Variants in SPTBN4 observed in about 807,000 individuals in gnomAD.
The protein encoded by SPTBN4 is spectrin beta, non-erythrocytic 4.
Under a neutral mutation model 277.8 loss-of-function variants are expected in SPTBN4, and 96 were observed. That is an observed-to-expected ratio of 0.35 (90% confidence interval 0.29 to 0.41). The LOEUF (loss-of-function observed/expected upper bound fraction) is 0.41. Ranked by LOEUF, SPTBN4 falls within the 10% of genes least tolerant of loss-of-function variation. The pLI, the probability that SPTBN4 is intolerant of heterozygous loss-of-function variation, is 1.00. For synonymous variants in SPTBN4, 1,481 were observed against 1,580.3 expected, an observed-to-expected ratio of 0.94 and a Z score of 1.49; for missense variants, 3,006 against 3,595.7, an observed-to-expected ratio of 0.84 and a Z score of 4.19.
intron 7 of SPTBN4, among the ~76,000 whole-genome samples, chr19:40,501,241 G>GAA (rs564405844): frequency 2.7e-4 from 39 of 143,854 alleles, no homozygotes; most frequent in Admixed American, 3.5e-4. Context: ...TCCATCTCTT[G>GAA]AAAAAAAAAA....
At chr19:40,550,354 G>C (rs201042290) in intron 22 of SPTBN4, 27 bp downstream of exon 22, 1 of 1,598,952 alleles carries the variant, frequency 6.3e-7, no homozygotes, top group African/African-American at 1.3e-5. Flanking sequence ...GAGGGAGCGA[G>C]TTAGGACATT....
At chr19:40,478,555 A>T (rs2079973890) in intron 2 of SPTBN4, among the ~76,000 whole-genome samples, 1 of 151,438 alleles carries the variant, frequency 6.6e-6, no homozygotes, top group Non-Finnish European at 1.5e-5. Context: ...ATTTTATTTT[A>T]TTTTTTTTGA....
intron 26 of SPTBN4, among the ~76,000 whole-genome samples, chr19:40,558,901 C>T (rs1409818395): frequency 7.4e-6 from 1 of 135,224 alleles, no homozygotes; most frequent in Admixed American, 8.0e-5. Context: ...AGCTACTATG[C>T]CCAGCTGGCA....
At position 40,520,053 on chromosome 19, in the gene SPTBN4, G is replaced by A. The variant is rs2080508565; in HGVS notation, c.3556G>A (p.Gly1186Ser). ...HLELGWHKLL[G>S]LWEARREALV... ...CGAACTTGGCTGGCATAAACTGCTC[G>A]GCTTGTGGGAGGCGCGCAGGGAGGC... Residue 1186 changes from glycine (G) to serine (S), a missense_variant, in exon 16 of 36, where the codon GGC (glycine) becomes AGC (serine). By Grantham distance (56) the Gly-to-Ser change is moderately conservative. Transcript: ENST00000598249. 1.9e-6 allele frequency: 3 copies of A among 1,543,854 alleles called. No homozygotes were observed. Among genetic ancestry groups the A allele is most frequent in the African/African-American group, 1.4e-5 (1 of 70,252 alleles).
At chr19:40,536,461 G>T (rs1042309442) in intron 20 of SPTBN4, among the ~76,000 whole-genome samples, 1 of 152,030 alleles carries the variant, frequency 6.6e-6, no homozygotes, top group Non-Finnish European at 1.5e-5. Flanking sequence ...TGATTCACCC[G>T]CCTTGGCCTC....
chr19:40,570,906 A>G lies in SPTBN4; in HGVS notation c.7319+178A>G, dbSNP rs1599826250. On this transcript the variant is annotated intron_variant, in intron 33 of 35. Transcript: ENST00000598249. The stretch of plus-strand genomic sequence containing the variant: ...CTTAAATCAAGAAAGCCAACCAATG[A>G]GCAGGAGGGGGTGTGGTTTAACGTC... 8 of 460,950 alleles carry G rather than the reference A, an allele frequency of 1.7e-5. No homozygotes were observed. In the South Asian group the frequency reaches 1.9e-4, roughly 11 times the overall value. The allele number at this position is 460,950 out of a possible 1,614,324, so 28.6% of individuals were successfully genotyped here. A position where few individuals can be genotyped will look rare whatever the true frequency, so the allele number is the denominator to read the frequency against.
At chr19:40,513,649 A>G in intron 14 of SPTBN4, 95 bp downstream of exon 14, 1 of 1,288,542 alleles carries the variant, frequency 7.8e-7, no homozygotes, top group African/African-American at 1.5e-5. Context: ...CTCAGCTGGA[A>G]CTAGGAGTTC....
At chr19:40,572,526 A>G (rs1003117331) in intron 35 of SPTBN4, 146 bp downstream of exon 35, 1 of 1,032,816 alleles carries the variant, frequency 9.7e-7, no homozygotes, top group Non-Finnish European at 1.5e-6. Context: ...ACAGGCACTG[A>G]GAGCCCAAAG....
intron 35 of SPTBN4, among the ~76,000 whole-genome samples, chr19:40,574,350 C>A (rs939322336): frequency 3.3e-5 from 5 of 150,792 alleles, no homozygotes; most frequent in Non-Finnish European, 1.5e-5. Context: ...TCACAAGATG[C>A]AATGAAGAAG....
chr19:40,476,834 G>A (rs931112694), intron 2 of SPTBN4, among the ~76,000 whole-genome samples: 6 of 151,882 alleles, frequency 4.0e-5, no homozygotes, highest in East Asian at 1.9e-4. Context: ...TGATCTGCCC[G>A]CCTTGGCCTC....
At chr19:40,476,345 C>CA (rs60942038) in intron 2 of SPTBN4, among the ~76,000 whole-genome samples, 19,369 of 115,406 alleles carry the variant, frequency 0.17, 1,629 homozygotes, top group South Asian at 0.24. Context: ...AACTCTGTCT[C>CA]AAAAAAAAAA....
In SPTBN4 at chr19:40,502,034, G is replaced by C; in HGVS notation, c.897+1G>C. On this transcript the variant is annotated splice_donor_variant, in intron 8 of 35. Coordinates refer to ENST00000598249, the MANE Select transcript of SPTBN4 (RefSeq NM_020971.3). LOFTEE classifies it high-confidence loss of function. This position sits in a 1 kb window ranked among gnomAD's most constrained non-coding sequence, Gnocchi z 4.9. ...TGTGGAGGGGAAGCGTATCGGGAAG[G>C]TATAAGGAGCCAAGGAGTGGGTGAG... The C allele has an allele frequency of 6.2e-7, 1 of 1,614,198 alleles. No homozygotes were observed. Among genetic ancestry groups the C allele is most frequent in the Non-Finnish European group, 8.5e-7 (1 of 1,180,044 alleles).
chr19:40,503,260 A>C (rs2080284285), intron 11 of SPTBN4, among the ~76,000 whole-genome samples: 1 of 151,996 alleles, frequency 6.6e-6, no homozygotes, highest in Non-Finnish European at 1.5e-5. Context: ...GAAGGATAGA[A>C]TTGGTTTCCT....
At position 40,523,425 on chromosome 19, in the gene SPTBN4, C is replaced by T; in HGVS notation, c.3655-12C>T. The T allele has an allele frequency of 6.3e-7, 1 of 1,586,582 alleles. No homozygotes were observed. Among genetic ancestry groups the T allele is most frequent in the Non-Finnish European group, 8.6e-7 (1 of 1,165,256 alleles). On this transcript the variant is annotated splice_polypyrimidine_tract_variant and intron_variant, in intron 16 of 35. Coordinates refer to ENST00000598249, the MANE Select transcript of SPTBN4 (RefSeq NM_020971.3). ...TGAGGCTGACCTTTGCACCACGCTCCCTCCTCCCCAGGAGATGGCGCTGTC... is the reference window on the plus strand; with the variant it reads ...TGAGGCTGACCTTTGCACCACGCTCTCTCCTCCCCAGGAGATGGCGCTGTC...
chr19:40,503,943 C>G lies in SPTBN4; in HGVS notation c.1476C>G (p.Ala492=). 1 of 1,613,958 alleles carries G rather than the reference C, an allele frequency of 6.2e-7. No homozygotes were observed. Among genetic ancestry groups the G allele is most frequent in the Non-Finnish European group, 8.5e-7 (1 of 1,179,986 alleles). The part of the protein sequence containing the change: ...EERVQGVAEL[A]QALAAEGYYD... Reference sequence around the variant, plus strand: ...GGGTGCAGGGTGTGGCGGAGCTGGCCCAGGCATTGGCAGCCGAAGGCTACT... The same window carrying G: ...GGGTGCAGGGTGTGGCGGAGCTGGCGCAGGCATTGGCAGCCGAAGGCTACT... Residue 492 remains alanine, a synonymous_variant, in exon 12 of 36, where the codon GCC becomes GCG. Coordinates refer to ENST00000598249, the MANE Select transcript of SPTBN4 (RefSeq NM_020971.3).
At position 40,557,001 on chromosome 19, in the gene SPTBN4, C is replaced by T. The variant is rs761950536; in HGVS notation, c.5290-22C>T. The T allele has an allele frequency of 1.0e-5, 16 of 1,525,370 alleles. 1 individual carries two copies. The highest frequency in any genetic ancestry group is 3.8e-5 in the South Asian group (3 of 78,060). The allele number at this position is 1,525,370 out of a possible 1,614,324, so 94.5% of individuals were successfully genotyped here. A position where few individuals can be genotyped will look rare whatever the true frequency, so the allele number is the denominator to read the frequency against. ...CCCTTTGCTCACTTTGCTGTACCCCCCCCCCCACTTCCTGATGGCAGGTGC... is the reference window on the plus strand; with the variant it reads ...CCCTTTGCTCACTTTGCTGTACCCCTCCCCCCACTTCCTGATGGCAGGTGC... On this transcript the variant is annotated intron_variant, in intron 25 of 35. Transcript: ENST00000598249.
At chr19:40,488,126 G>C (rs886419181) in intron 3 of SPTBN4, among the ~76,000 whole-genome samples, 2 of 152,072 alleles carry the variant, frequency 1.3e-5, no homozygotes, top group South Asian at 2.1e-4. Flanking sequence ...GGAAGGGGCC[G>C]GGCTCTGTTG....
At chr19:40,540,814 CAAAAAAAAAAAAAAAAAA>C (rs58695945) in intron 20 of SPTBN4, among the ~76,000 whole-genome samples, 1 of 79,322 alleles carries the variant, frequency 1.3e-5, no homozygotes, top group Admixed American at 1.8e-4. Context: ...ACCCCCATCT[CAAAAAAAAAAAAAAAAAA>C]AAAAAAAAGA....
At position 40,472,692 on chromosome 19, in the gene SPTBN4, G is replaced by A. The variant is rs146428235; in HGVS notation, c.71G>A (p.Arg24His). The change falls in exon 2 of 36, where the codon CGC (arginine) becomes CAC (histidine). Residue 24 changes from arginine (R) to histidine (H), a missense_variant. Physicochemically the swap from Arg to His is conservative, Grantham distance 29 (BLOSUM62 0). Coordinates refer to ENST00000598249, the MANE Select transcript of SPTBN4 (RefSeq NM_020971.3). Reference sequence around the variant, plus strand: ...GCTCCTAACAACAACCCTGCTGCCCGCTGGGAGAGTCCGGATCGGGGCTGG... The same window carrying A: ...GCTCCTAACAACAACCCTGCTGCCCACTGGGAGAGTCCGGATCGGGGCTGG... The part of the protein sequence containing the change: ...LPAPNNNPAA[R>H]WESPDRGWER... 1.4e-5 allele frequency: 22 copies of A among 1,613,554 alleles called. No individual in the cohort carries two copies. The East Asian group carries it at 1.6e-4, about 11-fold the overall frequency.
Sources: gnomAD v4.1 joint callset for allele counts (sites outside exome capture counted in the v4.1 genomes callset) on GRCh38, gnomAD v4.1.1 for gene constraint, Gnocchi (gnomAD v3.1) non-coding constraint, MANE v1.5 for transcripts, NCBI Gene and HGNC (gene_info 2026-07-23, HGNC 2026-07-21) for gene names.